The following SMARCAD1 variants were observed in gnomAD, a reference collection of about 807,000 sequenced individuals.
SMARCAD1 encodes SWI/SNF-related matrix-associated actin-dependent regulator of chromatin subfamily A containing DEAD/H box 1.
In SMARCAD1, 25 loss-of-function variants were observed where a neutral mutation model predicts 127.1. That is an observed-to-expected ratio of 0.20 (90% CI 0.14 to 0.27). The LOEUF is 0.27. SMARCAD1 is among the 10% of genes least tolerant of loss of function. SMARCAD1 has a pLI of 1.00. For missense variants in SMARCAD1, 807 were observed against 1,206.0 expected, an observed-to-expected ratio of 0.67 and a Z score of 4.90; for synonymous variants, 400 against 396.9, an observed-to-expected ratio of 1.01 and a Z score of -0.09.
Position 94,281,601 on chromosome 4 carries a change from T to C in SMARCAD1, c.2726+11T>C. The C allele has an allele frequency of 6.8e-7, 1 of 1,461,078 alleles. No homozygotes were observed. Among genetic ancestry groups the C allele is most frequent in the South Asian group, 1.1e-5 (1 of 87,928 alleles). The allele number at this position is 1,461,078 out of a possible 1,614,324, so 90.5% of individuals were successfully genotyped here. The stretch of plus-strand genomic sequence containing the variant: ...TCAGATTTCTGAAAGGTTGGTATAA[T>C]TCATGTTAGTTACAAAAAAATAACT... On this transcript the variant is annotated intron_variant, in intron 21 of 23. Coordinates refer to ENST00000354268, the MANE Select transcript of SMARCAD1 (RefSeq NM_020159.5).
chr4:94,220,667 A>T (rs1743973802), intron 2 of SMARCAD1, among the ~76,000 whole-genome samples: 1 of 152,192 alleles, frequency 6.6e-6, no homozygotes, highest in Admixed American at 6.5e-5. Context: ...TGCCTTTTTC[A>T]CGATATTGAT....
chr4:94,218,322 C>G (rs1743532119), intron 2 of SMARCAD1, among the ~76,000 whole-genome samples: 1 of 151,536 alleles, frequency 6.6e-6, no homozygotes, highest in African/African-American at 2.4e-5. Flanking sequence ...GTCACTCTGT[C>G]CCCCAGACTG....
chr4:94,250,613 A>G (rs1749140670), intron 7 of SMARCAD1, 139 bp from the exon 8 acceptor site: 1 of 559,564 alleles, frequency 1.8e-6, no homozygotes, highest in Admixed American at 3.2e-5. Flanking sequence ...TTTGTAAAGC[A>G]GTGTAAAAAC....
chr4:94,277,300 A>C, intron 16 of SMARCAD1, 141 bp downstream of exon 16: 1 of 990,830 alleles, frequency 1.0e-6, no homozygotes, highest in African/African-American at 1.6e-5. Flanking sequence ...CTATATTTGG[A>C]TTGGTTTGGA....
intron 6 of SMARCAD1, among the ~76,000 whole-genome samples, chr4:94,247,005 T>C (rs989632660): frequency 6.6e-6 from 1 of 152,238 alleles, no homozygotes; most frequent in East Asian, 1.9e-4. Flanking sequence ...TATGATACTC[T>C]TAAATACTTG....
chr4:94,245,513 T>G, intron 6 of SMARCAD1, among the ~76,000 whole-genome samples: 1 of 152,270 alleles, frequency 6.6e-6, no homozygotes, highest in South Asian at 2.1e-4. Context: ...GAAATTTTAT[T>G]TATTCTTTAT....
intron 8 of SMARCAD1, among the ~76,000 whole-genome samples, chr4:94,252,365 G>C (rs1447143082): frequency 6.6e-6 from 1 of 152,104 alleles, no homozygotes; most frequent in African/African-American, 2.4e-5. Context: ...TGTGTTCTCA[G>C]GACCTTTGTT....
intron 9 of SMARCAD1, among the ~76,000 whole-genome samples, chr4:94,262,397 A>T (rs1379140291): frequency 6.6e-6 from 1 of 152,168 alleles, no homozygotes; most frequent in African/African-American, 2.4e-5. Flanking sequence ...GAAGATCGTG[A>T]ATCTTATCAG....
At chr4:94,210,640 T>G (rs1292405424) in intron 2 of SMARCAD1, among the ~76,000 whole-genome samples, 1 of 152,054 alleles carries the variant, frequency 6.6e-6, no homozygotes, top group Non-Finnish European at 1.5e-5. Flanking sequence ...GGGAATGAGA[T>G]AAGATGAATG....
chr4:94,257,913 C>T (rs1290605307), intron 9 of SMARCAD1, among the ~76,000 whole-genome samples: 1 of 152,054 alleles, frequency 6.6e-6, no homozygotes, highest in Non-Finnish European at 1.5e-5. Flanking sequence ...TTCTGTTCCC[C>T]AGTTCTGTTA....
At chr4:94,289,353 G>A (rs1430107145) in intron 23 of SMARCAD1, 120 bp from the exon 24 acceptor site, 1 of 870,992 alleles carries the variant, frequency 1.1e-6, no homozygotes, top group Non-Finnish European at 1.9e-6. Context: ...GAGTGACACT[G>A]AAGCAAACTA....
rs1168712792 is a variant in SMARCAD1 at position 94,291,170 on chromosome 4, CTT to C, written c.*1642_*1643del. 2.2e-6 allele frequency: 1 copy of C among 453,278 alleles called. No individual in the cohort carries two copies. The allele number at this position is 453,278 out of a possible 1,614,324, so 28.1% of individuals were successfully genotyped here. A position where few individuals can be genotyped will look rare whatever the true frequency, so the allele number is the denominator to read the frequency against. ...ATGTATTTTCAATGATAGGCTGTTT[CTT>C]TTTTTGTTGTTATTGTTGTTGTTGT... On this transcript the variant is annotated 3_prime_UTR_variant, in exon 24 of 24. Transcript: ENST00000354268.
intron 6 of SMARCAD1, among the ~76,000 whole-genome samples, chr4:94,248,763 T>C (rs1748840916): frequency 6.6e-6 from 1 of 152,192 alleles, no homozygotes; most frequent in South Asian, 2.1e-4. Context: ...TATTGGTCTC[T>C]GTTTTATGAA....
intron 12 of SMARCAD1, 27 bp downstream of exon 12, chr4:94,273,743 TTA>T: frequency 6.4e-7 from 1 of 1,557,216 alleles, no homozygotes; most frequent in Non-Finnish European, 8.9e-7. Flanking sequence ...ACAACTGTAT[TTA>T]ACTTTATCAT....
At chr4:94,256,850 A>G (rs114218124) in intron 9 of SMARCAD1, among the ~76,000 whole-genome samples, 1,602 of 152,340 alleles carry the variant, frequency 0.011, 25 homozygotes, top group African/African-American at 0.036. Context: ...AAAATCTGCA[A>G]GTACATTTTG....
chr4:94,209,595 C>T (rs1741866917), intron 2 of SMARCAD1, among the ~76,000 whole-genome samples: 2 of 152,148 alleles, frequency 1.3e-5, no homozygotes, highest in Non-Finnish European at 1.5e-5. Flanking sequence ...TGCCACCCTT[C>T]TACTTAAATG....
rs920904816 is a variant in SMARCAD1 at position 94,208,031 on chromosome 4, C to T, written c.-89C>T. 2.3e-6 allele frequency: 1 copy of T among 439,214 alleles called. No individual in the cohort carries two copies. Among genetic ancestry groups the T allele is most frequent in the Non-Finnish European group, 4.5e-6 (1 of 221,394 alleles). 27.2% of individuals were successfully genotyped at this position (439,214 alleles called of 1,614,324 possible). A position where few individuals can be genotyped will look rare whatever the true frequency, so the allele number is the denominator to read the frequency against. ...TCTTTGTGGGCGGGCGCGAGGCCCG[C>T]TAGGGGGTTATACTGGGGAACGTGC... On this transcript the variant is annotated 5_prime_UTR_variant, in exon 1 of 24. Transcript: ENST00000354268.
chr4:94,249,733 A>C lies in SMARCAD1; in HGVS notation c.785A>C (p.Glu262Ala), dbSNP rs1412232017. 2 of 1,603,126 alleles carry C rather than the reference A, an allele frequency of 1.2e-6. No homozygotes were observed. Among genetic ancestry groups the C allele is most frequent in the Non-Finnish European group, 1.7e-6 (2 of 1,170,532 alleles). Residue 262 changes from glutamate to alanine, a missense_variant, in exon 7 of 24, where the codon GAA becomes GCA. By Grantham distance (107) the Glu-to-Ala change is moderately radical. Coordinates refer to ENST00000354268, the MANE Select transcript of SMARCAD1 (RefSeq NM_020159.5). ...QESIVLKLQK[E>A]FPNFDKQELR... ...AGTATTGTACTGAAATTGCAAAAGG[A>C]ATTTCCCAATTTTGATAAACAGGTG...
chr4:94,287,239 G>T (rs539000245), intron 23 of SMARCAD1, among the ~76,000 whole-genome samples: 1 of 152,022 alleles, frequency 6.6e-6, no homozygotes, highest in Non-Finnish European at 1.5e-5. Context: ...TTATTTACTC[G>T]TTTAGCTGTA....
Sources: gnomAD v4.1 joint callset for allele counts (sites outside exome capture counted in the v4.1 genomes callset) on GRCh38, gnomAD v4.1.1 for gene constraint, MANE v1.5 for transcripts, NCBI Gene and HGNC (gene_info 2026-07-23, HGNC 2026-07-21) for gene names.